Variants in THADA observed in about 807,000 individuals in gnomAD.
THADA encodes the protein THADA armadillo repeat containing, also known as tRNA (32-2'-O)-methyltransferase regulator THADA.
THADA carries 213 observed loss-of-function variants against 219.8 expected under a neutral mutation model. The observed-to-expected ratio is 0.97, with a 90% CI of 0.87 to 1.09. The LOEUF (loss-of-function observed/expected upper bound fraction) is 1.09. Ranked by LOEUF, THADA falls within the 50% of genes least tolerant of loss-of-function variation. The probability of loss-of-function intolerance (pLI) is 0.00; values close to 1 mark genes in which losing one functional copy is unlikely to be tolerated. For missense variants in THADA, 2,956 were observed against 2,311.3 expected (o/e 1.28, Z -5.72); for synonymous variants, 1,018 against 828.9 (o/e 1.23, Z -3.92).
chr2:43,515,681 T>TG (rs1413594516), intron 22 of THADA, among the ~76,000 whole-genome samples: 1 of 151,806 alleles, frequency 6.6e-6, no homozygotes, highest in Non-Finnish European at 1.5e-5. Flanking sequence ...AGTTTCTCAC[T>TG]GGCAATAACA....
At chr2:43,573,396 G>A (rs972836831) in intron 11 of THADA, among the ~76,000 whole-genome samples, 1 of 152,144 alleles carries the variant, frequency 6.6e-6, no homozygotes, top group Non-Finnish European at 1.5e-5. Flanking sequence ...TAGAGTGGCT[G>A]TTTCTCACTA....
At chr2:43,275,919 T>C (rs1234552147) in intron 36 of THADA, among the ~76,000 whole-genome samples, 3 of 152,216 alleles carry the variant, frequency 2.0e-5, no homozygotes, top group African/African-American at 4.8e-5. Flanking sequence ...TTTGTTCAAA[T>C]GAAATCTGAC....
At chr2:43,560,936 G>A (rs539092847) in intron 15 of THADA, among the ~76,000 whole-genome samples, 1 of 151,066 alleles carries the variant, frequency 6.6e-6, no homozygotes, top group African/African-American at 2.4e-5. Context: ...AGAATCGCTC[G>A]AGGCCAGGAG....
At chr2:43,507,590 C>A (rs899380256) in intron 23 of THADA, among the ~76,000 whole-genome samples, 1 of 152,078 alleles carries the variant, frequency 6.6e-6, no homozygotes, top group African/African-American at 2.4e-5. Flanking sequence ...AACTGATGCC[C>A]ACTGTCACCA....
At chr2:43,298,594 T>TA (rs1021768541) in intron 31 of THADA, among the ~76,000 whole-genome samples, 4,537 of 128,094 alleles carry the variant, frequency 0.035, 237 homozygotes, top group African/African-American at 0.13. Context: ...GAATTATCAA[T>TA]AAAAAAAAAA....
chr2:43,284,261 C>A (rs756528203), intron 35 of THADA, among the ~76,000 whole-genome samples: 2 of 152,186 alleles, frequency 1.3e-5, no homozygotes, highest in Non-Finnish European at 2.9e-5. Flanking sequence ...TTCACAGCAG[C>A]CCCTCCCACC....
intron 24 of THADA, among the ~76,000 whole-genome samples, chr2:43,500,557 A>G (rs1019324854): frequency 6.6e-6 from 1 of 152,228 alleles, no homozygotes. Flanking sequence ...TGCATTTTCT[A>G]GAAGAAAACA....
At chr2:43,438,010 AC>A (rs1680338002) in intron 26 of THADA, among the ~76,000 whole-genome samples, 1 of 152,108 alleles carries the variant, frequency 6.6e-6, no homozygotes, top group Non-Finnish European at 1.5e-5. Flanking sequence ...GCTCAACTAT[AC>A]CAAGGGATGG....
At chr2:43,556,256 A>C (rs1697328417) in intron 17 of THADA, 89 bp downstream of exon 17, 2 of 1,531,976 alleles carry the variant, frequency 1.3e-6, no homozygotes, top group Non-Finnish European at 1.7e-6. Context: ...AAAAAACCAC[A>C]AAATATATGT....
Position 43,344,160 on chromosome 2 carries a change from G to A in THADA, c.4305C>T (p.Ile1435=). ...NSDFQHELTD[I]TVCTKAKLWL... is the part of the protein sequence containing the mutation. ...AGAGTTTGGCTTTGGTACAAACAGT[G>A]ATGTCAGTCAGCTCGTGCTGGAAGT... The change falls in exon 30 of 38, where the codon ATC becomes ATT. Residue 1435 remains isoleucine (I), a synonymous_variant. Coordinates refer to ENST00000405975, the MANE Select transcript of THADA (RefSeq NM_022065.5). 6.2e-7 allele frequency: 1 copy of A among 1,612,250 alleles called. No homozygotes were observed. Among genetic ancestry groups the A allele is most frequent in the African/African-American group, 1.3e-5 (1 of 75,012 alleles).
chr2:43,253,723 A>T (rs1670039965), intron 36 of THADA, among the ~76,000 whole-genome samples: 1 of 151,968 alleles, frequency 6.6e-6, no homozygotes, highest in Admixed American at 6.6e-5. Context: ...GCATTCACTC[A>T]TTCAATATAT....
chr2:43,538,120 C>A (rs1260404825), intron 21 of THADA, among the ~76,000 whole-genome samples: 2 of 152,008 alleles, frequency 1.3e-5, no homozygotes, highest in African/African-American at 4.8e-5. Context: ...AACTTAAGTT[C>A]ATATAGTACT....
intron 24 of THADA, 100 bp from the exon 25 acceptor site, chr2:43,499,055 G>T: frequency 2.4e-6 from 3 of 1,234,746 alleles, no homozygotes; most frequent in Non-Finnish European, 3.3e-6. Context: ...AAAATTTACT[G>T]AATTACAAGA....
chr2:43,234,406 G>A (rs1667787395), intron 36 of THADA, among the ~76,000 whole-genome samples: 2 of 152,120 alleles, frequency 1.3e-5, no homozygotes, highest in Non-Finnish European at 1.5e-5. Flanking sequence ...CAGGACACTT[G>A]CCCTTTAGTG....
intron 26 of THADA, among the ~76,000 whole-genome samples, chr2:43,466,184 T>G (rs1684210757): frequency 1.3e-5 from 2 of 152,216 alleles, no homozygotes; most frequent in Non-Finnish European, 2.9e-5. Flanking sequence ...GGATATTCTA[T>G]TAAAAGGATT....
At position 43,543,909 on chromosome 2, in the gene THADA, C is replaced by T. The variant is rs1227893561; in HGVS notation, c.3107-2593G>A. On this transcript the variant is annotated intron_variant, in intron 20 of 37. Coordinates refer to ENST00000405975, the MANE Select transcript of THADA (RefSeq NM_022065.5). ...CATTTGTCAATTTTGGCTTTTGTTG[C>T]CATTGCTTTTGGTGTTTTAGACATG... 2.6e-5 allele frequency among the ~76,000 whole-genome samples: 4 copies of T among 151,968 alleles called. No homozygotes were observed. The South Asian group carries it at 8.3e-4, about 32-fold the overall frequency.
chr2:43,364,607 T>A (rs1365402676), intron 29 of THADA, among the ~76,000 whole-genome samples: 2 of 152,244 alleles, frequency 1.3e-5, no homozygotes, highest in South Asian at 4.1e-4. Context: ...ACTGACACCA[T>A]GTACTGCATT....
intron 36 of THADA, among the ~76,000 whole-genome samples, chr2:43,279,137 T>G (rs995928451): frequency 2.0e-5 from 3 of 152,300 alleles, no homozygotes; most frequent in African/African-American, 7.2e-5. Context: ...TTAGCTTTCG[T>G]AGCATTTGCC....
chr2:43,381,543 C>A (rs1672028501), intron 29 of THADA, among the ~76,000 whole-genome samples: 1 of 151,082 alleles, frequency 6.6e-6, no homozygotes, highest in Non-Finnish European at 1.5e-5. Context: ...AACACGACTT[C>A]TAAGCCATGT....
Sources: allele counts gnomAD v4.1 joint callset (sites outside exome capture counted in the v4.1 genomes callset), GRCh38; gene constraint gnomAD v4.1.1; transcripts MANE v1.5; gene names NCBI Gene and HGNC (gene_info 2026-07-23, HGNC 2026-07-21).